PRCP: variants seen among roughly 807,000 people sequenced by gnomAD.
PRCP encodes the protein lysosomal Pro-X carboxypeptidase.
PRCP carries 46 observed loss-of-function variants against 54.2 expected under a neutral mutation model. The ratio of observed to expected loss-of-function variants is 0.85; its 90% CI spans 0.67 to 1.09. The LOEUF is 1.09. Among genes scored for constraint, PRCP ranks in the 50% least tolerant of loss-of-function variants. The pLI, the probability that PRCP is intolerant of heterozygous loss-of-function variation, is 0.00. For missense variants in PRCP, 613 were observed against 596.8 expected (o/e 1.03, Z -0.28); for synonymous variants, 240 against 212.2 (o/e 1.13, Z -1.14).
At chr11:82,858,133 A>G (rs1378560614) in intron 2 of PRCP, 2 of 152,228 alleles carry the variant, frequency 1.3e-5, no homozygotes, top group African/African-American at 4.8e-5. Flanking sequence ...TTATTTTTCA[A>G]AAGAGGTCAA....
intron 6 of PRCP, among the ~76,000 whole-genome samples, chr11:82,842,421 G>A (rs1858694933): frequency 1.3e-5 from 2 of 152,224 alleles, no homozygotes; most frequent in Non-Finnish European, 2.9e-5. Context: ...ATCACCCTTG[G>A]AGTACTGGAT....
At chr11:82,899,112 A>C (rs1860189775) in intron 1 of PRCP, among the ~76,000 whole-genome samples, 1 of 152,198 alleles carries the variant, frequency 6.6e-6, no homozygotes, top group Non-Finnish European at 1.5e-5. Flanking sequence ...TAATCCCAAC[A>C]CTTTGGGAGG....
chr11:82,881,096 C>T (rs142254670), intron 1 of PRCP, among the ~76,000 whole-genome samples: 335 of 152,190 alleles, frequency 2.2e-3, no homozygotes, highest in African/African-American at 7.8e-3. Context: ...CTTTTTAAGG[C>T]CTTTGTGGTC....
chr11:82,866,783 G>C (rs958367155), intron 1 of PRCP, among the ~76,000 whole-genome samples: 2 of 151,840 alleles, frequency 1.3e-5, no homozygotes, highest in African/African-American at 2.4e-5. Flanking sequence ...GTGCAGGGGC[G>C]TGATCTCGGC....
At chr11:82,850,281 A>ATAAT (rs1403758934) in intron 4 of PRCP, 43 bp downstream of exon 4, 2 of 1,357,922 alleles carry the variant, frequency 1.5e-6, no homozygotes, top group South Asian at 4.4e-5. Context: ...GTTTCCCTTG[A>ATAAT]TAATCATTAA....
chr11:82,882,902 G>T (rs921285741), intron 1 of PRCP, among the ~76,000 whole-genome samples: 1 of 135,242 alleles, frequency 7.4e-6, no homozygotes, highest in African/African-American at 2.7e-5. Context: ...CCCTTTTTTA[G>T]ATCTCCAGAC....
At chr11:82,888,945 T>G (rs1219087096) in intron 1 of PRCP, among the ~76,000 whole-genome samples, 3 of 152,202 alleles carry the variant, frequency 2.0e-5, no homozygotes, top group Non-Finnish European at 2.9e-5. Flanking sequence ...ACAGGATTCC[T>G]GCTTTAAATG....
At chr11:82,883,334 G>T (rs1018836135) in intron 1 of PRCP, among the ~76,000 whole-genome samples, 22 of 152,182 alleles carry the variant, frequency 1.4e-4, no homozygotes, top group Non-Finnish European at 2.6e-4. Context: ...ACAGGAGTTT[G>T]CTAGGGAGAG....
At chr11:82,840,948 G>A (rs1487491980) in intron 6 of PRCP, 2 of 144,890 alleles carry the variant, frequency 1.4e-5, no homozygotes, top group African/African-American at 5.2e-5. Context: ...ACTACAAATA[G>A]TCCCAGTGGC....
intron 1 of PRCP, among the ~76,000 whole-genome samples, chr11:82,874,655 G>T (rs553950641): frequency 2.1e-5 from 3 of 143,416 alleles, no homozygotes; most frequent in African/African-American, 7.7e-5. Flanking sequence ...CACACCACTG[G>T]ACTCCAGCCT....
chr11:82,827,454 G>A (rs1858264983), intron 8 of PRCP: 1 of 152,124 alleles, frequency 6.6e-6, no homozygotes, highest in Non-Finnish European at 1.5e-5. Flanking sequence ...ATGAAATAGG[G>A]AGCCAACCTC....
Position 82,824,894 on chromosome 11 carries a change from A to G in PRCP, c.*12T>C. ...AACATAAAAGAAGAAATTGAAAACA[A>G]TCAAAAGTTTCTCAGTGCTGCTTTC... On this transcript the variant is annotated 3_prime_UTR_variant, in exon 9 of 9. Transcript: ENST00000313010. 1 of 1,609,046 alleles carries G rather than the reference A, an allele frequency of 6.2e-7. No individual in the cohort carries two copies. The highest frequency in any genetic ancestry group is 8.5e-7 in the Non-Finnish European group (1 of 1,176,496).
rs184284592 is a variant in PRCP, at chr11:82,866,037, C to T, written c.169-5920G>A. ...GGTAGGACAAGATCAGAGAGCAAGC[C>T]ACATCTTATGAGTCAGATCTCTGGC... On this transcript the variant is annotated intron_variant, in intron 1 of 8. Transcript: ENST00000313010. 7.6e-4 allele frequency among the ~76,000 whole-genome samples: 115 copies of T among 152,302 alleles called. 1 individual carries two copies. Among genetic ancestry groups the T allele is most frequent in the African/African-American group, 2.5e-3 (106 of 41,572 alleles).
intron 8 of PRCP, chr11:82,826,564 T>C (rs1858239615): frequency 6.6e-6 from 1 of 152,190 alleles, no homozygotes; most frequent in African/African-American, 2.4e-5. Context: ...CCATTTTATA[T>C]TCCCAGTAGC....
chr11:82,853,503 T>C (rs888438712), intron 2 of PRCP, among the ~76,000 whole-genome samples: 10 of 152,222 alleles, frequency 6.6e-5, no homozygotes, highest in Admixed American at 5.9e-4. Flanking sequence ...AATCCCAGGT[T>C]GCTCATCCAC....
chr11:82,865,190 T>C (rs1859302033), intron 1 of PRCP, among the ~76,000 whole-genome samples: 2 of 152,158 alleles, frequency 1.3e-5, no homozygotes, highest in Non-Finnish European at 1.5e-5. Flanking sequence ...TGTAATTCTT[T>C]TCATGTGCTT....
At chr11:82,835,690 T>C in intron 8 of PRCP, 1 of 308,914 alleles carries the variant, frequency 3.2e-6, no homozygotes, top group Non-Finnish European at 6.4e-6. Flanking sequence ...AAAAAGACAT[T>C]TCTGATGTTC....
Position 82,860,091 on chromosome 11 carries a change from C to A in PRCP, c.195G>T (p.Val65=). 1.3e-6 allele frequency: 2 copies of A among 1,556,362 alleles called. No homozygotes were observed. The highest frequency in any genetic ancestry group is 1.7e-6 in the Non-Finnish European group (2 of 1,150,036). Residue 65 remains valine, a synonymous_variant, in exon 2 of 9, where the codon GTG becomes GTT. Transcript: ENST00000313010. ...QKVDHFGFNT[V]KTFNQRYLVA... ...CTAGGTACCGCTGATTAAAAGTTTT[C>A]ACAGTATTAAATCCAAAATGATCAA... is the stretch of plus-strand genomic sequence containing the variant.
chr11:82,876,137 T>G (rs1229818137), intron 1 of PRCP, among the ~76,000 whole-genome samples: 1 of 152,226 alleles, frequency 6.6e-6, no homozygotes, highest in African/African-American at 2.4e-5. Flanking sequence ...ACCACCACAC[T>G]GTGCTGTCAC....
Sources: gnomAD v4.1 joint callset for allele counts (sites outside exome capture counted in the v4.1 genomes callset) on GRCh38, gnomAD v4.1.1 for gene constraint, MANE v1.5 for transcripts, NCBI Gene and HGNC (gene_info 2026-07-23, HGNC 2026-07-21) for gene names.